The following CD247 variants were observed in gnomAD, a reference collection of about 807,000 sequenced individuals.
The protein encoded by CD247 is T-cell surface glycoprotein CD3 zeta chain.
A neutral mutation model predicts 30.0 loss-of-function variants in CD247; 13 were observed. That is an observed-to-expected ratio of 0.43 (90% CI 0.28 to 0.69). CD247 has a LOEUF of 0.69. Among genes scored for constraint, CD247 ranks in the 30% least tolerant of loss-of-function variants. The pLI is 0.16. For missense variants in CD247, 193 were observed against 212.6 expected, an observed-to-expected ratio of 0.91 and a Z score of 0.57; for synonymous variants, 72 against 80.0, an observed-to-expected ratio of 0.90 and a Z score of 0.53.
intron 4 of CD247, among the ~76,000 whole-genome samples, chr1:167,436,699 T>C (rs1028560755): frequency 6.6e-6 from 1 of 152,144 alleles, no homozygotes; most frequent in Non-Finnish European, 1.5e-5. Flanking sequence ...AAAGAAGACA[T>C]ATAAATGGCT....
At chr1:167,439,899 C>T (rs1651740050) in intron 2 of CD247, 1 of 175,742 alleles carries the variant, frequency 5.7e-6, no homozygotes, top group Non-Finnish European at 1.2e-5. Context: ...GCCTCGCGTT[C>T]GCTTAGTGTC....
At chr1:167,517,734 C>T (rs1204537450) in intron 1 of CD247, among the ~76,000 whole-genome samples, 5 of 152,166 alleles carry the variant, frequency 3.3e-5, no homozygotes, top group Non-Finnish European at 5.9e-5. Context: ...TGGGATGGTG[C>T]GTCACCCGGC....
chr1:167,490,545 C>T (rs183341935), intron 1 of CD247, among the ~76,000 whole-genome samples: 41 of 152,286 alleles, frequency 2.7e-4, no homozygotes, highest in Non-Finnish European at 5.4e-4. Flanking sequence ...ATCCCTTGAA[C>T]CTGCGAGGCG....
chr1:167,433,464 C>T (rs148962562), intron 6 of CD247, among the ~76,000 whole-genome samples: 2 of 152,352 alleles, frequency 1.3e-5, no homozygotes, highest in East Asian at 1.9e-4. Flanking sequence ...AGTTCAATCA[C>T]GTGCCCGTTT....
chr1:167,461,705 G>A (rs751197253), intron 1 of CD247, among the ~76,000 whole-genome samples: 35 of 151,982 alleles, frequency 2.3e-4, no homozygotes, highest in Non-Finnish European at 1.3e-4. Context: ...AAAATTAGCC[G>A]GCTGTGGTGG....
intron 1 of CD247, among the ~76,000 whole-genome samples, chr1:167,498,762 C>T (rs571695849): frequency 6.6e-6 from 1 of 152,336 alleles, no homozygotes; most frequent in African/African-American, 2.4e-5. Context: ...CTGATTGCCT[C>T]ATGAATCTAT....
At chr1:167,511,066 C>T (rs1184164016) in intron 1 of CD247, among the ~76,000 whole-genome samples, 1 of 152,222 alleles carries the variant, frequency 6.6e-6, no homozygotes, top group Non-Finnish European at 1.5e-5. Context: ...ACCGAGCCTG[C>T]AGGTGAACCC....
intron 1 of CD247, among the ~76,000 whole-genome samples, chr1:167,464,215 T>C (rs1193521953): frequency 6.6e-6 from 1 of 152,082 alleles, no homozygotes; most frequent in Admixed American, 6.6e-5. Flanking sequence ...ATAAGAAGTT[T>C]CTAATTTCCC....
At chr1:167,453,154 T>C (rs1357225692) in intron 1 of CD247, among the ~76,000 whole-genome samples, 2 of 151,838 alleles carry the variant, frequency 1.3e-5, no homozygotes, top group South Asian at 2.1e-4. Flanking sequence ...TAACAATCAT[T>C]GTCATACCAA....
intron 1 of CD247, among the ~76,000 whole-genome samples, chr1:167,482,189 C>T (rs535086440): frequency 6.6e-6 from 1 of 152,320 alleles, no homozygotes; most frequent in African/African-American, 2.4e-5. Flanking sequence ...CCAACACCAC[C>T]CGACTGGAGA....
intron 1 of CD247, among the ~76,000 whole-genome samples, chr1:167,453,165 A>G (rs1451579815): frequency 6.6e-6 from 1 of 151,890 alleles, no homozygotes; most frequent in African/African-American, 2.4e-5. Flanking sequence ...GTCATACCAA[A>G]CATTTGCTCT....
At chr1:167,472,268 A>C (rs76621544) in intron 1 of CD247, among the ~76,000 whole-genome samples, 4,995 of 152,298 alleles carry the variant, frequency 0.033, 106 homozygotes, top group South Asian at 0.089. Context: ...AATTTAAGTC[A>C]TCAGATTTTT....
In CD247 at chr1:167,433,987, C is replaced by G. The variant is rs200375126; in HGVS notation, c.393+33G>C. On this transcript the variant is annotated intron_variant, in intron 6 of 7. Transcript: ENST00000362089. ...GGCGTGTCTGGAGGACCAAGAGGAA[C>G]TCCCTCGGAAATTAAGAAACAGCAA... 1.9e-6 allele frequency: 3 copies of G among 1,593,862 alleles called. No homozygotes were observed. In the African/African-American group the frequency reaches 4.0e-5, roughly 21 times the overall value.
chr1:167,443,606 T>C (rs1260484024), intron 1 of CD247, among the ~76,000 whole-genome samples: 2 of 152,138 alleles, frequency 1.3e-5, no homozygotes, highest in African/African-American at 4.8e-5. Context: ...TACTGGACAG[T>C]AAATTTAGCA....
At chr1:167,506,531 C>G (rs957198956) in intron 1 of CD247, among the ~76,000 whole-genome samples, 1 of 151,758 alleles carries the variant, frequency 6.6e-6, no homozygotes, top group Non-Finnish European at 1.5e-5. Context: ...CTCTCTCTCT[C>G]TTTTTTATTT....
At chr1:167,477,770 T>TC (rs2102059219) in intron 1 of CD247, among the ~76,000 whole-genome samples, 1 of 152,242 alleles carries the variant, frequency 6.6e-6, no homozygotes, top group Admixed American at 6.5e-5. Flanking sequence ...TTCAAGCAAT[T>TC]CCCCCGCCTT....
intron 1 of CD247, among the ~76,000 whole-genome samples, chr1:167,465,082 C>T (rs1014879686): frequency 1.3e-5 from 2 of 152,014 alleles, no homozygotes; most frequent in Non-Finnish European, 2.9e-5. Flanking sequence ...CTCAATCTTC[C>T]TGTCCATATA....
intron 1 of CD247, among the ~76,000 whole-genome samples, chr1:167,452,709 C>T (rs146422069): frequency 7.0e-4 from 107 of 152,134 alleles, no homozygotes; most frequent in Non-Finnish European, 1.5e-3. Flanking sequence ...GAGGGAGGGA[C>T]GATGCCTGCA....
intron 1 of CD247, among the ~76,000 whole-genome samples, chr1:167,499,988 G>T (rs1296826196): frequency 2.0e-5 from 3 of 152,136 alleles, no homozygotes; most frequent in Non-Finnish European, 1.5e-5. Context: ...CACACAGAGG[G>T]CTTCTCCTCC....
Sources: allele counts gnomAD v4.1 joint callset (sites outside exome capture counted in the v4.1 genomes callset), GRCh38; gene constraint gnomAD v4.1.1; transcripts MANE v1.5; gene names NCBI Gene and HGNC (gene_info 2026-07-23, HGNC 2026-07-21).